The following SPATA21 variants were observed in gnomAD, a reference collection of about 807,000 sequenced individuals.
SPATA21 encodes the protein spermatogenesis-associated protein 21.
A neutral mutation model predicts 54.8 loss-of-function variants in SPATA21; 47 were observed. The observed-to-expected ratio is 0.86, with a 90% CI of 0.68 to 1.09. SPATA21 has a LOEUF of 1.09. SPATA21 is among the 50% of genes least tolerant of loss of function. The probability of loss-of-function intolerance (pLI) is 0.00; values close to 1 mark genes in which losing one functional copy is unlikely to be tolerated. For missense variants in SPATA21, 599 were observed against 596.4 expected (o/e 1.00, Z -0.05); for synonymous variants, 245 against 235.3 (o/e 1.04, Z -0.38).
chr1:16,409,971 C>A lies in SPATA21; in HGVS notation c.217G>T (p.Ala73Ser). 1 of 1,610,228 alleles carries A rather than the reference C, an allele frequency of 6.2e-7. No individual in the cohort carries two copies. Among genetic ancestry groups the A allele is most frequent in the Non-Finnish European group, 8.5e-7 (1 of 1,178,234 alleles). The part of the protein sequence containing the change: ...QQQPQKPAVA[A>S]GTQSLGNFRQ... ...AAGTTCCCGAGGCTCTGTGTCCCTG[C>A]AGCCACCGCGGGCTTCTGAGGCTGC... Residue 73 changes from alanine (A) to serine (S), a missense_variant, in exon 6 of 13, where the codon GCA becomes TCA. Transcript: ENST00000335496. The surrounding 1 kb of genome is among the most constrained non-coding windows in gnomAD (Gnocchi z 4.1).
intron 3 of SPATA21, among the ~76,000 whole-genome samples, chr1:16,426,116 G>T (rs2086310861): frequency 6.6e-6 from 1 of 152,074 alleles, no homozygotes; most frequent in Non-Finnish European, 1.5e-5. Flanking sequence ...TCAGAACTGG[G>T]ATGCAGAGAG....
rs140349274 is a variant in SPATA21, at chr1:16,400,362, T to C, written c.1174+358A>G. On this transcript the variant is annotated intron_variant, in intron 11 of 12. Coordinates refer to ENST00000335496, the MANE Select transcript of SPATA21 (RefSeq NM_198546.1). ...GTAAAATGGGGTAAATACATGATTA[T>C]GAGTATTAAATTCTAGAGCATCTGC... 111 of 788,380 alleles carry C rather than the reference T, an allele frequency of 1.4e-4. No individual in the cohort carries two copies. In the African/African-American group the frequency reaches 1.9e-3, roughly 14 times the overall value. The allele number at this position is 788,380 out of a possible 1,614,324, so 48.8% of individuals were successfully genotyped here. A position where few individuals can be genotyped will look rare whatever the true frequency, so the allele number is the denominator to read the frequency against.
rs540793749 is a variant in SPATA21 at position 16,427,145 on chromosome 1, T to C, written c.34+4193A>G. 2.6e-5 allele frequency among the ~76,000 whole-genome samples: 4 copies of C among 152,220 alleles called. No individual in the cohort carries two copies. In the East Asian group the frequency reaches 5.8e-4, roughly 22 times the overall value. ...TTTCCTCATGGCCTATTTCCAGAAA[T>C]GGGTGAGGATAAAGGGAGTTTCAAG... On this transcript the variant is annotated intron_variant, in intron 3 of 12. Transcript: ENST00000335496.
rs1168052531 is a variant in SPATA21, at chr1:16,428,766, G to A, written c.34+2572C>T. Reference sequence around the variant, plus strand: ...TGAGACCCCGCTCCAAGCATCACCGGAGTCAGCAAACTCCAAACAAATGGA... The same window carrying A: ...TGAGACCCCGCTCCAAGCATCACCGAAGTCAGCAAACTCCAAACAAATGGA... On this transcript the variant is annotated intron_variant, in intron 3 of 12. Coordinates refer to ENST00000335496, the MANE Select transcript of SPATA21 (RefSeq NM_198546.1). This position sits in a 1 kb window ranked among gnomAD's most constrained non-coding sequence, Gnocchi z 4.3. 2.6e-5 allele frequency among the ~76,000 whole-genome samples: 4 copies of A among 152,138 alleles called. No individual in the cohort carries two copies. Among genetic ancestry groups the A allele is most frequent in the Non-Finnish European group, 5.9e-5 (4 of 68,028 alleles).
chr1:16,431,550 A>T, intron 2 of SPATA21, 128 bp from the exon 3 acceptor site: 1 of 799,582 alleles, frequency 1.3e-6, no homozygotes, highest in East Asian at 2.7e-5. Flanking sequence ...CCTTGCAAGG[A>T]GAGGCACGCA....
intron 10 of SPATA21, among the ~76,000 whole-genome samples, chr1:16,401,542 C>A (rs2085447606): frequency 1.3e-5 from 2 of 152,190 alleles, no homozygotes; most frequent in African/African-American, 4.8e-5. Context: ...GCAATCCTTA[C>A]ACCTTGGCCT....
intron 12 of SPATA21, 78 bp from the exon 13 acceptor site, chr1:16,398,900 G>T: frequency 6.9e-7 from 1 of 1,445,964 alleles, no homozygotes; most frequent in Non-Finnish European, 9.4e-7. Flanking sequence ...CCATCTGTGC[G>T]TGCCCAAGTG....
At position 16,436,435 on chromosome 1, in the gene SPATA21, G is replaced by T. The variant is rs111450904; in HGVS notation, c.-187+693C>A. Among the ~76,000 whole-genome samples the T allele has an allele frequency of 8.7e-3, 1,314 of 150,936 alleles. 26 individuals carry two copies. Among genetic ancestry groups the T allele is most frequent in the East Asian group, 0.078 (399 of 5,106 alleles). On this transcript the variant is annotated intron_variant, in intron 1 of 12. Coordinates refer to ENST00000335496, the MANE Select transcript of SPATA21 (RefSeq NM_198546.1). ...ATAGGGTGCAGTGTATACTGCTCAG[G>T]TGATGGGTGGACCAAAATCTTACAA...
intron 3 of SPATA21, among the ~76,000 whole-genome samples, chr1:16,426,780 A>T (rs2086337389): frequency 6.6e-6 from 1 of 151,656 alleles, no homozygotes; most frequent in Admixed American, 6.6e-5. Flanking sequence ...GGGTTTTGCC[A>T]TGTTGGCCAG....
downstream of SPATA21, chr1:16,395,770 T>C (rs2085300580): frequency 6.4e-6 from 1 of 155,522 alleles, no homozygotes; most frequent in Non-Finnish European, 1.4e-5. Flanking sequence ...CATTAACCAA[T>C]AGGATTTTGG....
At chr1:16,401,003 T>C in intron 10 of SPATA21, 111 bp from the exon 11 acceptor site, 1 of 1,315,502 alleles carries the variant, frequency 7.6e-7, no homozygotes, top group Non-Finnish European at 1.0e-6. Flanking sequence ...AGCCTAGGAG[T>C]CAGGAAACCT....
chr1:16,404,158 A>C, intron 8 of SPATA21, 119 bp from the exon 9 acceptor site: 1 of 805,560 alleles, frequency 1.2e-6, no homozygotes, highest in Non-Finnish European at 2.1e-6. Flanking sequence ...GTGCATACTC[A>C]ATGCAGAAAA....
At position 16,428,061 on chromosome 1, in the gene SPATA21, T is replaced by C; in HGVS notation, c.34+3277A>G. 5 of 1,529,474 alleles carry C rather than the reference T, an allele frequency of 3.3e-6. No individual in the cohort carries two copies. The highest frequency in any genetic ancestry group is 2.0e-5 in the Admixed American group (1 of 50,704). The allele number at this position is 1,529,474 out of a possible 1,614,324, so 94.7% of individuals were successfully genotyped here. On this transcript the variant is annotated intron_variant, in intron 3 of 12. Coordinates refer to ENST00000335496, the MANE Select transcript of SPATA21 (RefSeq NM_198546.1). This position sits in a 1 kb window ranked among gnomAD's most constrained non-coding sequence, Gnocchi z 4.3. ...CAGTGGCTTGAGGGCTGGCATTGAG[T>C]ACCCGTTCTGGAGTGATCCCTCCCA...
rs1234690513 is a variant in SPATA21, at chr1:16,428,561, T to G, written c.34+2777A>C. ...TGCGCCACCATGCCCAACTAATTTT[T>G]TTTTTTTATTTTTTTTGTAGGCCAG... On this transcript the variant is annotated intron_variant, in intron 3 of 12. Coordinates refer to ENST00000335496, the MANE Select transcript of SPATA21 (RefSeq NM_198546.1). The surrounding 1 kb of genome is among the most constrained non-coding windows in gnomAD (Gnocchi z 4.3). 1.3e-5 allele frequency among the ~76,000 whole-genome samples: 2 copies of G among 151,704 alleles called. No homozygotes were observed. The highest frequency in any genetic ancestry group is 6.6e-5 in the Admixed American group (1 of 15,222).
chr1:16,425,553 C>T (rs990187150), intron 3 of SPATA21: 39 of 1,549,246 alleles, frequency 2.5e-5, no homozygotes, highest in East Asian at 4.9e-5. Flanking sequence ...TGATCCTCCC[C>T]GATTCCCCGG....
At chr1:16,402,143 C>A (rs2085466445) in intron 10 of SPATA21, among the ~76,000 whole-genome samples, 1 of 151,838 alleles carries the variant, frequency 6.6e-6, no homozygotes. Context: ...ACGTGCAACC[C>A]AGAAGTGTCG....
In SPATA21 at chr1:16,428,266, C is replaced by T. The variant is rs1351505452; in HGVS notation, c.34+3072G>A. On this transcript the variant is annotated intron_variant, in intron 3 of 12. Coordinates refer to ENST00000335496, the MANE Select transcript of SPATA21 (RefSeq NM_198546.1). This position sits in a 1 kb window ranked among gnomAD's most constrained non-coding sequence, Gnocchi z 4.3. ...CTGGAGTCCAGATTAGTACCCGAGA[C>T]AAGGGGATTGCCTTAAGGACAGCTT... Among the ~76,000 whole-genome samples the T allele has an allele frequency of 6.6e-6, 1 of 152,198 alleles. No individual in the cohort carries two copies. The highest frequency in any genetic ancestry group is 1.5e-5 in the Non-Finnish European group (1 of 68,044).
At chr1:16,427,747 GC>G in intron 3 of SPATA21, 2 of 1,085,816 alleles carry the variant, frequency 1.8e-6, no homozygotes, top group Non-Finnish European at 2.6e-6. Context: ...AGGACAAGGT[GC>G]TGTCGTGGGT....
chr1:16,409,278 G>A lies in SPATA21; in HGVS notation c.588-75C>T. The A allele has an allele frequency of 1.3e-6, 2 of 1,524,800 alleles. No homozygotes were observed. The highest frequency in any genetic ancestry group is 1.8e-6 in the Non-Finnish European group (2 of 1,107,894). 94.5% of individuals were successfully genotyped at this position (1,524,800 alleles called of 1,614,324 possible). On this transcript the variant is annotated intron_variant, in intron 6 of 12. Transcript: ENST00000335496. The surrounding 1 kb of genome is among the most constrained non-coding windows in gnomAD (Gnocchi z 4.1). ...GCTGATAGCTAGGGGAGGGGTTGGG[G>A]GAGCCTGCAGGAGGAGGTCGTGGGG...
Sources: gnomAD v4.1 joint callset for allele counts (sites outside exome capture counted in the v4.1 genomes callset) on GRCh38, gnomAD v4.1.1 for gene constraint, Gnocchi (gnomAD v3.1) non-coding constraint, MANE v1.5 for transcripts, NCBI Gene and HGNC (gene_info 2026-07-23, HGNC 2026-07-21) for gene names.